Variants in JPH3 observed in about 807,000 individuals in gnomAD.
The protein encoded by JPH3 is junctophilin 3, also known as junctophilin-3.
JPH3 carries 11 observed loss-of-function variants against 59.6 expected under a neutral mutation model. The ratio of observed to expected loss-of-function variants is 0.18; its 90% CI spans 0.12 to 0.31. The LOEUF (loss-of-function observed/expected upper bound fraction) is 0.31, where lower values mean the gene tolerates loss of function less well. JPH3 is among the 10% of genes least tolerant of loss of function. JPH3 has a pLI of 1.00. For missense variants in JPH3, 1,202 were observed against 1,105.7 expected (o/e 1.09, Z -1.24); for synonymous variants, 673 against 483.6 (o/e 1.39, Z -5.14).
rs140186033 is a variant in JPH3 at position 87,645,024 on chromosome 16, C to T, written c.1149C>T (p.Ile383=). 760 of 1,602,372 alleles carry T rather than the reference C, an allele frequency of 4.7e-4. 3 individuals carry two copies. The highest frequency in any genetic ancestry group is 1.6e-3 in the Middle Eastern group (9 of 5,774). The part of the protein sequence containing the change: ...AATIAKQKAE[I]AASRTSHSRA... ...CCATCGCCAAGCAGAAGGCTGAGAT[C>T]GCGGCTTCCAGGTAGGAGGGCGAGG... Residue 383 remains isoleucine (I), a synonymous_variant, in exon 2 of 5, where the codon ATC becomes ATT. Transcript: ENST00000284262.
At chr16:87,687,542 G>C (rs1424358890) in intron 3 of JPH3, among the ~76,000 whole-genome samples, 1 of 152,212 alleles carries the variant, frequency 6.6e-6, no homozygotes, top group African/African-American at 2.4e-5. Context: ...CCAGTGCCCA[G>C]GCCACTTCCG....
At chr16:87,685,380 C>A (rs1013418851) in intron 3 of JPH3, among the ~76,000 whole-genome samples, 4 of 152,250 alleles carry the variant, frequency 2.6e-5, no homozygotes, top group Admixed American at 2.6e-4. Flanking sequence ...CCAAAGTGTC[C>A]AAGTGGGAGG....
intron 2 of JPH3, among the ~76,000 whole-genome samples, chr16:87,663,114 T>C (rs1400948581): frequency 7.1e-6 from 1 of 140,060 alleles, no homozygotes; most frequent in African/African-American, 2.8e-5. Context: ...TTAATTTCTT[T>C]CTTTTTTTTT....
At chr16:87,613,863 C>G (rs1048457968) in intron 1 of JPH3, among the ~76,000 whole-genome samples, 6 of 152,188 alleles carry the variant, frequency 3.9e-5, no homozygotes, top group South Asian at 4.1e-4. Context: ...ATAAGGCATT[C>G]CGCTCCCATT....
intron 1 of JPH3, among the ~76,000 whole-genome samples, chr16:87,607,399 A>G (rs2030561939): frequency 6.6e-6 from 1 of 152,158 alleles, no homozygotes; most frequent in Non-Finnish European, 1.5e-5. Flanking sequence ...CAACCCACAC[A>G]AATCACACAC....
At chr16:87,665,421 C>T (rs571833175) in intron 2 of JPH3, among the ~76,000 whole-genome samples, 4 of 152,234 alleles carry the variant, frequency 2.6e-5, no homozygotes, top group Non-Finnish European at 4.4e-5. Context: ...CCCCGGACCC[C>T]GCACTTTGCT....
intron 2 of JPH3, among the ~76,000 whole-genome samples, chr16:87,655,514 C>T (rs576461540): frequency 1.2e-4 from 19 of 152,236 alleles, no homozygotes; most frequent in African/African-American, 4.6e-4. Flanking sequence ...CCACCACGCC[C>T]AGCTAACATT....
intron 2 of JPH3, among the ~76,000 whole-genome samples, chr16:87,659,652 G>A (rs917544153): frequency 6.6e-6 from 1 of 151,898 alleles, no homozygotes; most frequent in East Asian, 1.9e-4. Context: ...AGAATTGCTT[G>A]AACGCAGGAG....
intron 2 of JPH3, among the ~76,000 whole-genome samples, chr16:87,681,016 A>G (rs9929191): frequency 0.58 from 88,366 of 152,026 alleles, 26,085 homozygotes; most frequent in African/African-American, 0.68. Flanking sequence ...CAGCCGGGGA[A>G]GTGAAAGACC....
chr16:87,618,373 G>A lies in JPH3; in HGVS notation c.382+14845G>A, dbSNP rs184401575. Among the ~76,000 whole-genome samples the A allele has an allele frequency of 5.5e-4, 84 of 152,282 alleles. 1 individual carries two copies. Among genetic ancestry groups the A allele is most frequent in the African/African-American group, 1.9e-3 (77 of 41,560 alleles). On this transcript the variant is annotated intron_variant, in intron 1 of 4. Transcript: ENST00000284262. The stretch of plus-strand genomic sequence containing the variant: ...GGGCGTGGACAGGCCGGGAAAAGGA[G>A]CAAAGGCAGGATGAGGACACAACAC...
intron 2 of JPH3, among the ~76,000 whole-genome samples, chr16:87,665,799 G>T (rs2032842274): frequency 6.6e-6 from 1 of 152,202 alleles, no homozygotes; most frequent in South Asian, 2.1e-4. Flanking sequence ...CCTCTTTGAT[G>T]AGGCCGATGG....
chr16:87,618,919 T>G (rs529035889), intron 1 of JPH3, among the ~76,000 whole-genome samples: 1 of 152,152 alleles, frequency 6.6e-6, no homozygotes, highest in Admixed American at 6.5e-5. Context: ...CAAAACTGCA[T>G]CTCTACTAAA....
At chr16:87,695,728 C>CA (rs34111279) in intron 4 of JPH3, 198,425 of 455,708 alleles carry the variant, frequency 0.44, 46,245 homozygotes, top group African/African-American at 0.66. Context: ...CGCTCCCTCT[C>CA]CCCCTGCCTG....
chr16:87,683,113 C>CA (rs1328539068), intron 2 of JPH3, among the ~76,000 whole-genome samples: 2 of 152,200 alleles, frequency 1.3e-5, no homozygotes, highest in African/African-American at 4.8e-5. Context: ...CCCAGCTGCC[C>CA]AAGCCCTGGG....
intron 2 of JPH3, among the ~76,000 whole-genome samples, chr16:87,681,825 T>C (rs991971561): frequency 1.3e-5 from 2 of 152,216 alleles, no homozygotes; most frequent in Non-Finnish European, 2.9e-5. Context: ...GGTCCTGGGC[T>C]GATTTTCGGG....
intron 3 of JPH3, among the ~76,000 whole-genome samples, chr16:87,688,143 G>A (rs2033463306): frequency 6.6e-6 from 1 of 152,138 alleles, no homozygotes; most frequent in African/African-American, 2.4e-5. Context: ...GCCCAGCCCT[G>A]TTTCTGGGGA....
At chr16:87,617,682 C>G (rs953544436) in intron 1 of JPH3, among the ~76,000 whole-genome samples, 1 of 152,044 alleles carries the variant, frequency 6.6e-6, no homozygotes, top group Non-Finnish European at 1.5e-5. Context: ...GAGTCTGGGA[C>G]TGGGTGGTCC....
At position 87,645,051 on chromosome 16, in the gene JPH3, G is replaced by T. The variant is rs760793030; in HGVS notation, c.1160+16G>T. ...CGGCTTCCAGGTAGGAGGGCGAGGGGGCGGGGGGCCCTTCTTGGTGCCCAG... is the reference window on the plus strand; with the variant it reads ...CGGCTTCCAGGTAGGAGGGCGAGGGTGCGGGGGGCCCTTCTTGGTGCCCAG... On this transcript the variant is annotated intron_variant, in intron 2 of 4. Coordinates refer to ENST00000284262, the MANE Select transcript of JPH3 (RefSeq NM_020655.4). 6.3e-7 allele frequency: 1 copy of T among 1,589,970 alleles called. No individual in the cohort carries two copies. Among genetic ancestry groups the T allele is most frequent in the Non-Finnish European group, 8.5e-7 (1 of 1,174,552 alleles).
chr16:87,680,230 C>T (rs777673640), intron 2 of JPH3, among the ~76,000 whole-genome samples: 1 of 152,270 alleles, frequency 6.6e-6, no homozygotes, highest in East Asian at 1.9e-4. Flanking sequence ...CCTTGGAACC[C>T]GCTTTGCTCC....
Sources: gnomAD v4.1 joint callset for allele counts (sites outside exome capture counted in the v4.1 genomes callset) on GRCh38, gnomAD v4.1.1 for gene constraint, MANE v1.5 for transcripts, NCBI Gene and HGNC (gene_info 2026-07-23, HGNC 2026-07-21) for gene names.